The following TAF8 variants were observed in gnomAD, a reference collection of about 807,000 sequenced individuals.
TAF8 encodes TATA-box binding protein associated factor 8, also known as transcription initiation factor TFIID subunit 8.
TAF8 carries 47 observed loss-of-function variants against 36.5 expected under a neutral mutation model. The ratio of observed to expected loss-of-function variants is 1.29; its 90% confidence interval spans 1.02 to 1.64. The LOEUF (loss-of-function observed/expected upper bound fraction) is 1.64. Ranked by LOEUF, TAF8 falls within the 40% of genes most tolerant of loss-of-function variation. The pLI, the probability that TAF8 is intolerant of heterozygous loss-of-function variation, is 0.00. For missense variants in TAF8, 420 were observed against 407.6 expected (o/e 1.03, Z -0.26); for synonymous variants, 175 against 159.5 (o/e 1.10, Z -0.73).
At position 42,080,848 on chromosome 6, in the gene TAF8, T is replaced by C. The variant is rs994269500; in HGVS notation, c.*3303T>C. On this transcript the variant is annotated 3_prime_UTR_variant, in exon 9 of 9. Transcript: ENST00000372977. ...AGGCCAAAAGTAGTAAACATGCAGA[T>C]TAAAAATGTTTATGAAAATCTCAAT... The C allele has an allele frequency of 1.0e-6, 1 of 978,638 alleles. No individual in the cohort carries two copies. Among genetic ancestry groups the C allele is most frequent in the Non-Finnish European group, 1.2e-6 (1 of 823,904 alleles). 60.6% of individuals were successfully genotyped at this position (978,638 alleles called of 1,614,324 possible).
At chr6:42,062,642 A>G (rs1490343754) in intron 5 of TAF8, among the ~76,000 whole-genome samples, 1 of 139,894 alleles carries the variant, frequency 7.1e-6, no homozygotes, top group South Asian at 2.2e-4. Flanking sequence ...GGTTCAAGTG[A>G]TTCTCCTGCC....
chr6:42,074,794 C>T (rs1282805460), intron 7 of TAF8, among the ~76,000 whole-genome samples: 2 of 151,800 alleles, frequency 1.3e-5, no homozygotes, highest in African/African-American at 4.8e-5. Context: ...GCCTTGGCCT[C>T]CCAAAGTGCT....
intron 5 of TAF8, chr6:42,057,751 C>A: frequency 5.0e-6 from 2 of 400,296 alleles, no homozygotes; most frequent in Non-Finnish European, 8.7e-6. Context: ...AAGACCCTGT[C>A]TCATTTGAAA....
At chr6:42,054,494 C>G (rs1764906825) in intron 2 of TAF8, among the ~76,000 whole-genome samples, 1 of 152,336 alleles carries the variant, frequency 6.6e-6, no homozygotes, top group Non-Finnish European at 1.5e-5. Flanking sequence ...TCTCCCTCCC[C>G]CTCCATCCCC....
chr6:42,084,587 C>G (rs951742626), downstream of TAF8, among the ~76,000 whole-genome samples: 1 of 150,980 alleles, frequency 6.6e-6, no homozygotes, highest in Non-Finnish European at 1.5e-5. Context: ...CTCAGCCTCC[C>G]GAGTAGCTGG....
chr6:42,071,311 C>CTTT lies in TAF8; in HGVS notation c.780+2735_780+2737dup, dbSNP rs70987566. On this transcript the variant is annotated intron_variant, in intron 7 of 8. Transcript: ENST00000372977. ...TGAAGGTCTTATTTGCCTGGACATACTTTTTTTTTTTTTTTTTTTTTTTTT... is the reference window on the plus strand; with the variant it reads ...TGAAGGTCTTATTTGCCTGGACATACTTTTTTTTTTTTTTTTTTTTTTTTTTTT... 157 of 121,692 alleles carry CTTT rather than the reference C, an allele frequency of 1.3e-3. 8 individuals carry two copies. Among genetic ancestry groups the CTTT allele is most frequent in the African/African-American group, 4.9e-3 (89 of 18,262 alleles). 7.5% of individuals were successfully genotyped at this position (121,692 alleles called of 1,614,324 possible). A position where few individuals can be genotyped will look rare whatever the true frequency, so the allele number is the denominator to read the frequency against.
At chr6:42,050,902 T>G (rs62415893) in intron 1 of TAF8, 133,760 of 1,172,256 alleles carry the variant, frequency 0.11, 8,153 homozygotes, top group East Asian at 0.19. Context: ...TCAAAATATT[T>G]AGCTTTCTTA....
intron 7 of TAF8, among the ~76,000 whole-genome samples, chr6:42,076,045 T>G (rs1362801129): frequency 1.3e-5 from 2 of 151,966 alleles, no homozygotes; most frequent in Non-Finnish European, 2.9e-5. Flanking sequence ...CCGTCTCTAC[T>G]AAAAATAAAA....
In TAF8 at chr6:42,081,064, T is replaced by C; in HGVS notation, c.*3519T>C. 4 of 659,146 alleles carry C rather than the reference T, an allele frequency of 6.1e-6. No homozygotes were observed. The highest frequency in any genetic ancestry group is 7.5e-6 in the Non-Finnish European group (4 of 532,926). 40.8% of individuals were successfully genotyped at this position (659,146 alleles called of 1,614,324 possible). A position where few individuals can be genotyped will look rare whatever the true frequency, so the allele number is the denominator to read the frequency against. On this transcript the variant is annotated 3_prime_UTR_variant, in exon 9 of 9. Coordinates refer to ENST00000372977, the MANE Select transcript of TAF8 (RefSeq NM_138572.3). The stretch of plus-strand genomic sequence containing the variant: ...ATACAAAATTAGAGAGCAAAATATA[T>C]GAACCCCTGTATATGCCTCATCAAG...
chr6:42,081,083 C>T lies in TAF8; in HGVS notation c.*3538C>T, dbSNP rs1056891837. On this transcript the variant is annotated 3_prime_UTR_variant, in exon 9 of 9. Transcript: ENST00000372977. ...AATATATGAACCCCTGTATATGCCTCATCAAGCTTCCACACTTGTCAGTAG... is the reference window on the plus strand; with the variant it reads ...AATATATGAACCCCTGTATATGCCTTATCAAGCTTCCACACTTGTCAGTAG... 2 of 415,442 alleles carry T rather than the reference C, an allele frequency of 4.8e-6. No homozygotes were observed. Among genetic ancestry groups the T allele is most frequent in the Non-Finnish European group, 3.2e-6 (1 of 309,836 alleles). The allele number at this position is 415,442 out of a possible 1,614,324, so 25.7% of individuals were successfully genotyped here.
intron 7 of TAF8, 138 bp downstream of exon 7, chr6:42,068,745 G>A (rs1241078750): frequency 5.0e-6 from 5 of 1,004,654 alleles, no homozygotes; most frequent in Admixed American, 2.1e-5. Flanking sequence ...AAGGGCTTGC[G>A]TGATGATCCA....
chr6:42,076,803 C>T (rs1176652345), intron 7 of TAF8, among the ~76,000 whole-genome samples: 1 of 152,146 alleles, frequency 6.6e-6, no homozygotes, highest in East Asian at 1.9e-4. Context: ...GAATTTGATT[C>T]CTGTCCCTCC....
downstream of TAF8, among the ~76,000 whole-genome samples, chr6:42,085,806 GA>G (rs1246770161): frequency 5.9e-5 from 9 of 152,130 alleles, no homozygotes; most frequent in South Asian, 1.5e-3. Context: ...CCAACATGGT[GA>G]AACCCCTTCT....
intron 2 of TAF8, among the ~76,000 whole-genome samples, chr6:42,055,227 CATA>C (rs1432188747): frequency 1.3e-5 from 2 of 152,196 alleles, no homozygotes; most frequent in African/African-American, 4.8e-5. Context: ...CCTGGTCTAG[CATA>C]ATGTTTTCAA....
chr6:42,086,638 A>G, downstream of TAF8: 2 of 1,402,428 alleles, frequency 1.4e-6, no homozygotes, highest in Non-Finnish European at 2.0e-6. Flanking sequence ...CAATGCCAGA[A>G]GCTGCCCCCT....
At position 42,068,495 on chromosome 6, in the gene TAF8, A is replaced by G. The variant is rs1360975312; in HGVS notation, c.668A>G (p.Tyr223Cys). The change falls in exon 7 of 9, where the codon TAC becomes TGC. Residue 223 changes from tyrosine to cysteine, a missense_variant. Tyr to Cys is a radical substitution (Grantham distance 194). Coordinates refer to ENST00000372977, the MANE Select transcript of TAF8 (RefSeq NM_138572.3). Reference protein sequence around the residue: ...LIAARPFTIPYLTALLPSELE... With the variant: ...LIAARPFTIPCLTALLPSELE... ...GCTGCCAGACCTTTCACCATCCCCT[A>G]CCTGACAGCTCTTCTTCCGTCTGAA... 9.3e-6 allele frequency: 15 copies of G among 1,613,996 alleles called. No individual in the cohort carries two copies. The highest frequency in any genetic ancestry group is 1.2e-5 in the Non-Finnish European group (14 of 1,180,002).
At chr6:42,073,098 A>G (rs1347458649) in intron 7 of TAF8, among the ~76,000 whole-genome samples, 1 of 152,216 alleles carries the variant, frequency 6.6e-6, no homozygotes, top group East Asian at 1.9e-4. Context: ...TAGGCAGTAC[A>G]TTATTTAACC....
downstream of TAF8, among the ~76,000 whole-genome samples, chr6:42,083,929 C>T (rs1213579232): frequency 6.6e-6 from 1 of 152,028 alleles, no homozygotes; most frequent in Non-Finnish European, 1.5e-5. Context: ...CGCCTGTAAT[C>T]CCAGCACTTT....
chr6:42,059,757 G>A (rs770566449), intron 5 of TAF8, among the ~76,000 whole-genome samples: 3 of 152,190 alleles, frequency 2.0e-5, no homozygotes, highest in Non-Finnish European at 4.4e-5. Flanking sequence ...GAATGAACAA[G>A]GACAGCTTGG....
Sources: allele counts gnomAD v4.1 joint callset (sites outside exome capture counted in the v4.1 genomes callset), GRCh38; gene constraint gnomAD v4.1.1; transcripts MANE v1.5; gene names NCBI Gene and HGNC (gene_info 2026-07-23, HGNC 2026-07-21).